Variants in PTPRK observed in about 807,000 individuals in gnomAD.
PTPRK encodes the protein receptor-type tyrosine-protein phosphatase kappa.
A neutral mutation model predicts 178.0 loss-of-function variants in PTPRK; 75 were observed. The ratio of observed to expected loss-of-function variants is 0.42; its 90% CI spans 0.35 to 0.51. The LOEUF (loss-of-function observed/expected upper bound fraction) is 0.51, where lower values mean the gene tolerates loss of function less well. Ranked by LOEUF, PTPRK falls within the 20% of genes least tolerant of loss-of-function variation. The probability of loss-of-function intolerance (pLI) is 0.02; values close to 1 mark genes in which losing one functional copy is unlikely to be tolerated. For synonymous variants in PTPRK, 637 were observed against 620.6 expected (o/e 1.03, Z -0.39); for missense variants, 1,441 against 1,797.8 (o/e 0.80, Z 3.59).
At chr6:128,135,653 C>T (rs1794910692) in intron 7 of PTPRK, among the ~76,000 whole-genome samples, 1 of 152,120 alleles carries the variant, frequency 6.6e-6, no homozygotes, top group Non-Finnish European at 1.5e-5. Flanking sequence ...GCCTTCTTAG[C>T]TAAATCCTGC....
chr6:128,000,912 A>T (rs1296474476), intron 15 of PTPRK, among the ~76,000 whole-genome samples: 1 of 152,054 alleles, frequency 6.6e-6, no homozygotes, highest in Non-Finnish European at 1.5e-5. Context: ...GAATTCACCC[A>T]TATTCCAAAT....
chr6:128,478,114 G>A (rs192125582), intron 1 of PTPRK, among the ~76,000 whole-genome samples: 10 of 152,234 alleles, frequency 6.6e-5, no homozygotes. Flanking sequence ...AATCTTTGGA[G>A]ATAGTGTTCT....
intron 1 of PTPRK, among the ~76,000 whole-genome samples, chr6:128,431,124 A>C (rs546830435): frequency 1.3e-4 from 19 of 151,926 alleles, no homozygotes; most frequent in African/African-American, 4.6e-4. Flanking sequence ...TTTTTAGTAG[A>C]GACGGGTTTC....
At chr6:128,189,556 T>A (rs879628222) in intron 6 of PTPRK, among the ~76,000 whole-genome samples, 1 of 152,128 alleles carries the variant, frequency 6.6e-6, no homozygotes, top group Non-Finnish European at 1.5e-5. Flanking sequence ...TTCTTTTTAC[T>A]ATTTTTTGTA....
chr6:128,388,722 C>T (rs897798686), intron 2 of PTPRK, among the ~76,000 whole-genome samples: 1 of 152,142 alleles, frequency 6.6e-6, no homozygotes, highest in Admixed American at 6.5e-5. Flanking sequence ...AGTTCCTTCA[C>T]CTACAGAATG....
chr6:128,031,357 C>T (rs1775298533), intron 13 of PTPRK, among the ~76,000 whole-genome samples: 1 of 152,206 alleles, frequency 6.6e-6, no homozygotes, highest in South Asian at 2.1e-4. Flanking sequence ...ACTTCCCATC[C>T]TCTGGCACTT....
rs1773741023 is a variant in PTPRK at position 127,970,108 on chromosome 6, T to C, written c.*119A>G. ...AAAAAATACTTTTACCTCTCAAATG[T>C]AAAAGTCTCCCACCCCCCACATTAA... is the stretch of plus-strand genomic sequence containing the variant. On this transcript the variant is annotated 3_prime_UTR_variant, in exon 30 of 30. Transcript: ENST00000368226. The C allele has an allele frequency of 3.0e-6, 2 of 674,282 alleles. No individual in the cohort carries two copies. Among genetic ancestry groups the C allele is most frequent in the Non-Finnish European group, 4.8e-6 (2 of 413,104 alleles). 41.8% of individuals were successfully genotyped at this position (674,282 alleles called of 1,614,324 possible). A position where few individuals can be genotyped will look rare whatever the true frequency, so the allele number is the denominator to read the frequency against.
chr6:128,239,578 C>G (rs1014954145), intron 5 of PTPRK, among the ~76,000 whole-genome samples: 1 of 152,124 alleles, frequency 6.6e-6, no homozygotes, highest in South Asian at 2.1e-4. Context: ...CCCTCAAACT[C>G]AAAAATTTAA....
At chr6:128,236,215 GA>G (rs1336034985) in intron 5 of PTPRK, among the ~76,000 whole-genome samples, 1 of 151,690 alleles carries the variant, frequency 6.6e-6, no homozygotes, top group East Asian at 1.9e-4. Flanking sequence ...TGTTCATGTG[GA>G]AAAAATTTAC....
At chr6:128,168,627 C>T (rs551711190) in intron 7 of PTPRK, among the ~76,000 whole-genome samples, 1 of 152,140 alleles carries the variant, frequency 6.6e-6, no homozygotes, top group Non-Finnish European at 1.5e-5. Context: ...GTGAACTGTG[C>T]ATAATGTTTT....
At chr6:128,429,627 TATC>T (rs1844566317) in intron 1 of PTPRK, among the ~76,000 whole-genome samples, 1 of 152,210 alleles carries the variant, frequency 6.6e-6, no homozygotes, top group African/African-American at 2.4e-5. Context: ...ATAAAATATA[TATC>T]TTTTTACAAT....
At chr6:128,063,422 A>G (rs1024961208) in intron 13 of PTPRK, 3 of 152,194 alleles carry the variant, frequency 2.0e-5, no homozygotes, top group African/African-American at 7.2e-5. Context: ...TGTTAGGGTA[A>G]TATATAGCTA....
chr6:128,033,708 C>CA (rs973132212), intron 13 of PTPRK, among the ~76,000 whole-genome samples: 6 of 151,926 alleles, frequency 3.9e-5, no homozygotes, highest in African/African-American at 1.5e-4. Context: ...CTAGTTTCTA[C>CA]AAAAAATAAA....
In PTPRK at chr6:128,240,161, A is replaced by C. The variant is rs759752115; in HGVS notation, c.578-11T>G. 4.5e-6 allele frequency: 7 copies of C among 1,571,004 alleles called. No individual in the cohort carries two copies. The Middle Eastern group carries it at 8.4e-4, about 188-fold the overall frequency. On this transcript the variant is annotated splice_polypyrimidine_tract_variant and intron_variant, in intron 4 of 29. Transcript: ENST00000368226. ...AATGAGGAGATTTATCTGTGAAGGAAGGGAAAAAAAAATGTATTTGTTTTC... is the reference window on the plus strand; with the variant it reads ...AATGAGGAGATTTATCTGTGAAGGACGGGAAAAAAAAATGTATTTGTTTTC...
At chr6:128,432,877 T>G (rs1845019887) in intron 1 of PTPRK, among the ~76,000 whole-genome samples, 1 of 152,180 alleles carries the variant, frequency 6.6e-6, no homozygotes. Context: ...TCCAGGTATA[T>G]TCACTTAACT....
rs1775539471 is a variant in PTPRK, at chr6:127,983,089, A to G, written c.3388-109T>C. On this transcript the variant is annotated intron_variant, in intron 23 of 29. Coordinates refer to ENST00000368226, the MANE Select transcript of PTPRK (RefSeq NM_002844.4). ...TCTCTATATGGAAATATGAATTAAA[A>G]CACCAATATTTTTCTATATGACTCA... The G allele has an allele frequency of 3.0e-6, 4 of 1,329,436 alleles. No homozygotes were observed. In the Admixed American group the frequency reaches 7.7e-5, roughly 25 times the overall value. 82.4% of individuals were successfully genotyped at this position (1,329,436 alleles called of 1,614,324 possible).
intron 7 of PTPRK, among the ~76,000 whole-genome samples, chr6:128,179,786 G>C (rs1343562359): frequency 1.3e-5 from 2 of 151,940 alleles, no homozygotes; most frequent in Non-Finnish European, 2.9e-5. Flanking sequence ...TGATGCTATA[G>C]ACTAAAGGCT....
At chr6:128,464,620 CATAT>C (rs1174612862) in intron 1 of PTPRK, among the ~76,000 whole-genome samples, 9,329 of 88,824 alleles carry the variant, frequency 0.11, 1,084 homozygotes, top group African/African-American at 0.28. Flanking sequence ...TATACATATA[CATAT>C]ATATATATAT....
At chr6:128,050,109 C>A (rs138001382) in intron 13 of PTPRK, among the ~76,000 whole-genome samples, 37 of 151,754 alleles carry the variant, frequency 2.4e-4, no homozygotes, top group African/African-American at 8.3e-4. Flanking sequence ...GAACTCCAGC[C>A]TGGGCAACAA....
Sources: allele counts gnomAD v4.1 joint callset (sites outside exome capture counted in the v4.1 genomes callset), GRCh38; gene constraint gnomAD v4.1.1; transcripts MANE v1.5; gene names NCBI Gene and HGNC (gene_info 2026-07-23, HGNC 2026-07-21).